The following CCNY variants were observed in gnomAD, a reference collection of about 807,000 sequenced individuals.
The protein encoded by CCNY is cyclin-Y.
Under a neutral mutation model 42.8 loss-of-function variants are expected in CCNY, and 19 were observed. The ratio of observed to expected loss-of-function variants is 0.44; its 90% CI spans 0.31 to 0.65. The LOEUF is 0.65. CCNY is among the 30% of genes least tolerant of loss of function. CCNY has a pLI of 0.07. For missense variants in CCNY, 370 were observed against 437.3 expected (o/e 0.85, Z 1.37); for synonymous variants, 165 against 162.7 (o/e 1.01, Z -0.11).
At chr10:35,435,297 A>C (rs1447810033) in intron 1 of CCNY, among the ~76,000 whole-genome samples, 2 of 152,242 alleles carry the variant, frequency 1.3e-5, no homozygotes, top group Non-Finnish European at 2.9e-5. Context: ...CTGTGAGATA[A>C]TGGAAATAAC....
At chr10:35,340,546 C>G (rs1417753772) in intron 1 of CCNY, among the ~76,000 whole-genome samples, 1 of 150,276 alleles carries the variant, frequency 6.7e-6, no homozygotes, top group African/African-American at 2.5e-5. Context: ...GCTCTGTCAC[C>G]CAGGCTGGAG....
rs140499980 is a variant in CCNY at position 35,434,670 on chromosome 10, C to T, written c.155-48734C>T. 3.3e-5 allele frequency among the ~76,000 whole-genome samples: 5 copies of T among 152,264 alleles called. No individual in the cohort carries two copies. The East Asian group carries it at 7.7e-4, about 23-fold the overall frequency. On this transcript the variant is annotated intron_variant, in intron 1 of 9. Coordinates refer to ENST00000374704, the MANE Select transcript of CCNY (RefSeq NM_145012.6). ...CACTTAGGAAGTATCACTCTTTATT[C>T]AGAGGGATGCTTTGAATGAAACCAA...
At chr10:35,314,782 T>C (rs1835734192) in intron 3 of CCNY, 1 of 152,116 alleles carries the variant, frequency 6.6e-6, no homozygotes, top group Non-Finnish European at 1.5e-5. Context: ...TATTGTCCCA[T>C]TAATATTAAA....
chr10:35,292,781 GTTTTTTTTTT>G (rs71033391), intron 3 of CCNY, among the ~76,000 whole-genome samples: 1 of 108,760 alleles, frequency 9.2e-6, no homozygotes, highest in African/African-American at 3.5e-5. Flanking sequence ...CTTTGTTTTT[GTTTTTTTTTT>G]TTTTTTTTTT....
chr10:35,337,278 C>G lies in CCNY; in HGVS notation c.154+71C>G, dbSNP rs1836063438. On this transcript the variant is annotated intron_variant, in intron 1 of 9. Transcript: ENST00000374704. ...TCGCACAGCCAACGTCGGGGCGGCC[C>G]GGCTGCTCTTGCTTGCCCAGCCGGT... is the stretch of plus-strand genomic sequence containing the variant. The G allele has an allele frequency of 3.6e-6, 5 of 1,370,322 alleles. No homozygotes were observed. In the South Asian group the frequency reaches 6.1e-5, roughly 17 times the overall value. 84.9% of individuals were successfully genotyped at this position (1,370,322 alleles called of 1,614,324 possible).
At chr10:35,416,283 G>A (rs1838023914) in intron 1 of CCNY, among the ~76,000 whole-genome samples, 1 of 151,862 alleles carries the variant, frequency 6.6e-6, no homozygotes, top group Non-Finnish European at 1.5e-5. Context: ...GTGCTGTTTA[G>A]CCAGGTATGC....
intron 7 of CCNY, among the ~76,000 whole-genome samples, chr10:35,540,121 C>T (rs558586145): frequency 2.6e-5 from 4 of 152,286 alleles, no homozygotes; most frequent in East Asian, 3.9e-4. Flanking sequence ...AGAAGTATCA[C>T]GAGTGCACAT....
Position 35,532,461 on chromosome 10 carries a change from A to G in CCNY, c.579+2218A>G, listed in dbSNP as rs534532649. 1.3e-3 allele frequency among the ~76,000 whole-genome samples: 194 copies of G among 152,356 alleles called. 1 individual carries two copies. Among genetic ancestry groups the G allele is most frequent in the Non-Finnish European group, 2.2e-3 (147 of 68,032 alleles). On this transcript the variant is annotated intron_variant, in intron 7 of 9. Transcript: ENST00000374704. ...GGACAGAGAGCCTACAGGCCCTTCA[A>G]ACACCCAAACCTACTTCACCCAAAG...
chr10:35,450,940 T>G, intron 1 of CCNY, among the ~76,000 whole-genome samples: 1 of 152,160 alleles, frequency 6.6e-6, no homozygotes, highest in Non-Finnish European at 1.5e-5. Flanking sequence ...GGGCTCAGCT[T>G]TAAGGTCCTT....
chr10:35,463,269 G>A (rs557769686), intron 1 of CCNY, among the ~76,000 whole-genome samples: 64 of 152,320 alleles, frequency 4.2e-4, no homozygotes, highest in Non-Finnish European at 6.9e-4. Flanking sequence ...GTGTCTGTGA[G>A]GATTAAATAA....
chr10:35,274,526 T>C (rs908653656), intron 3 of CCNY, among the ~76,000 whole-genome samples: 6 of 152,216 alleles, frequency 3.9e-5, no homozygotes, highest in Non-Finnish European at 8.8e-5. Context: ...CTGCTCACCC[T>C]GCAAATGGCA....
intron 3 of CCNY, among the ~76,000 whole-genome samples, chr10:35,282,891 T>C (rs902755396): frequency 1.3e-5 from 2 of 152,136 alleles, no homozygotes; most frequent in Non-Finnish European, 2.9e-5. Context: ...AGCAAAGAGA[T>C]ACATCTTACG....
At chr10:35,428,681 G>A (rs1314328862) in intron 1 of CCNY, among the ~76,000 whole-genome samples, 1 of 152,170 alleles carries the variant, frequency 6.6e-6, no homozygotes. Context: ...GAATGACTGA[G>A]ACTGGATATG....
intron 1 of CCNY, among the ~76,000 whole-genome samples, chr10:35,415,518 G>GCCTAA: frequency 6.6e-6 from 1 of 151,980 alleles, no homozygotes; most frequent in Middle Eastern, 3.6e-3. Flanking sequence ...ATGGAGCTGG[G>GCCTAA]TCCTGAGGGC....
At chr10:35,415,909 A>G (rs1838013015) in intron 1 of CCNY, among the ~76,000 whole-genome samples, 1 of 152,220 alleles carries the variant, frequency 6.6e-6, no homozygotes, top group Admixed American at 6.5e-5. Flanking sequence ...AGAGAGTTTT[A>G]TAGATAAAAA....
intron 1 of CCNY, among the ~76,000 whole-genome samples, chr10:35,410,422 C>T (rs569211935): frequency 4.6e-5 from 7 of 151,904 alleles, no homozygotes; most frequent in Non-Finnish European, 7.3e-5. Context: ...ATGAACCAGA[C>T]GCTAAGAGAA....
intron 3 of CCNY, among the ~76,000 whole-genome samples, chr10:35,274,732 G>A (rs973719032): frequency 6.6e-5 from 10 of 152,166 alleles, no homozygotes; most frequent in African/African-American, 1.7e-4. Flanking sequence ...ATACTGTTTC[G>A]TGTCCCATGT....
rs148727451 is a variant in CCNY, at chr10:35,552,712, C to T, written c.580-307C>T. ...ACATTCTCTGTCCTTTCTGTTGGAA[C>T]AGTCATTAACATGTATGGATATCAC... On this transcript the variant is annotated intron_variant, in intron 7 of 9. Coordinates refer to ENST00000374704, the MANE Select transcript of CCNY (RefSeq NM_145012.6). 3.3e-5 allele frequency among the ~76,000 whole-genome samples: 5 copies of T among 152,300 alleles called. No homozygotes were observed. In the East Asian group the frequency reaches 9.6e-4, roughly 29 times the overall value.
chr10:35,486,994 G>T (rs1273300487), intron 2 of CCNY, among the ~76,000 whole-genome samples: 1 of 152,180 alleles, frequency 6.6e-6, no homozygotes, highest in Non-Finnish European at 1.5e-5. Flanking sequence ...AATTTAAAAC[G>T]ACCTTTTTGT....
Sources: allele counts gnomAD v4.1 joint callset (sites outside exome capture counted in the v4.1 genomes callset), GRCh38; gene constraint gnomAD v4.1.1; transcripts MANE v1.5; gene names NCBI Gene and HGNC (gene_info 2026-07-23, HGNC 2026-07-21).